The following KCNJ6 variants were observed in gnomAD, a reference collection of about 807,000 sequenced individuals.
KCNJ6 encodes G protein-activated inward rectifier potassium channel 2.
KCNJ6 carries 9 observed loss-of-function variants against 34.2 expected under a neutral mutation model. That is an observed-to-expected ratio of 0.26 (90% CI 0.16 to 0.46). The LOEUF (loss-of-function observed/expected upper bound fraction) is 0.46. Among genes scored for constraint, KCNJ6 ranks in the 20% least tolerant of loss-of-function variants. KCNJ6 has a pLI of 1.00. For missense variants in KCNJ6, 236 were observed against 531.3 expected, an observed-to-expected ratio of 0.44 and a Z score of 5.46; for synonymous variants, 196 against 207.1, an observed-to-expected ratio of 0.95 and a Z score of 0.46.
chr21:37,612,704 C>A lies in KCNJ6; in HGVS notation c.*12455G>T, dbSNP rs2054246953. ...TCAACAAACGGTGTTGAAATAGCTG[C>A]ACATTTGCACATCCACAGGCAAAAA... On this transcript the variant is annotated 3_prime_UTR_variant, in exon 4 of 4. Coordinates refer to ENST00000609713, the MANE Select transcript of KCNJ6 (RefSeq NM_002240.5). The A allele has an allele frequency of 7.3e-6, 1 of 136,084 alleles. No individual in the cohort carries two copies. 8.4% of individuals were successfully genotyped at this position (136,084 alleles called of 1,614,324 possible).
intron 3 of KCNJ6, among the ~76,000 whole-genome samples, chr21:37,712,207 G>T (rs1159380162): frequency 6.6e-6 from 1 of 152,170 alleles, no homozygotes; most frequent in African/African-American, 2.4e-5. Flanking sequence ...TACGTCTCCA[G>T]TGGTTTTTGC....
At chr21:37,664,378 T>C (rs2123401305) in intron 3 of KCNJ6, among the ~76,000 whole-genome samples, 1 of 152,120 alleles carries the variant, frequency 6.6e-6, no homozygotes, top group African/African-American at 2.4e-5. Flanking sequence ...AGAAAACAAC[T>C]GTGCAATGGG....
intron 3 of KCNJ6, among the ~76,000 whole-genome samples, chr21:37,693,462 C>T (rs1427235666): frequency 6.6e-6 from 1 of 152,156 alleles, no homozygotes; most frequent in Non-Finnish European, 1.5e-5. Context: ...ATCAAACCCT[C>T]AAGGTGGGCT....
chr21:37,609,301 G>A lies in KCNJ6; in HGVS notation c.*15858C>T, dbSNP rs2054234466. 6.6e-6 allele frequency: 1 copy of A among 152,112 alleles called. No individual in the cohort carries two copies. The highest frequency in any genetic ancestry group is 1.9e-4 in the East Asian group (1 of 5,194). 9.4% of individuals were successfully genotyped at this position (152,112 alleles called of 1,614,324 possible). A position where few individuals can be genotyped will look rare whatever the true frequency, so the allele number is the denominator to read the frequency against. On this transcript the variant is annotated 3_prime_UTR_variant, in exon 4 of 4. Coordinates refer to ENST00000609713, the MANE Select transcript of KCNJ6 (RefSeq NM_002240.5). ...TCTTGAAAATTCTGTGTGATGGTGA[G>A]AATAAGAAGTTCCAGGTACATAGAA...
rs1195323087 is a variant in KCNJ6, at chr21:37,616,656, G to A, written c.*8503C>T. 3 of 134,094 alleles carry A rather than the reference G, an allele frequency of 2.2e-5. No individual in the cohort carries two copies. The highest frequency in any genetic ancestry group is 4.8e-5 in the Non-Finnish European group (3 of 62,910). The allele number at this position is 134,094 out of a possible 1,614,324, so 8.3% of individuals were successfully genotyped here. ...CATATACGCTCGGTTAAAATTGGTGGTGGCTATTAAGTGGTAAGGAATAGG... is the reference window on the plus strand; with the variant it reads ...CATATACGCTCGGTTAAAATTGGTGATGGCTATTAAGTGGTAAGGAATAGG... On this transcript the variant is annotated 3_prime_UTR_variant, in exon 4 of 4. Coordinates refer to ENST00000609713, the MANE Select transcript of KCNJ6 (RefSeq NM_002240.5).
intron 2 of KCNJ6, among the ~76,000 whole-genome samples, chr21:37,778,897 C>CT (rs537332224): frequency 3.6e-4 from 55 of 152,012 alleles, no homozygotes; most frequent in South Asian, 1.0e-3. Context: ...ACACGCAGCC[C>CT]TTTTTTTCTC....
In KCNJ6 at chr21:37,618,962, T is replaced by C. The variant is rs1601389456; in HGVS notation, c.*6197A>G. ...GTGTTGAACTTTGAGATTTGTTTCCTCCCACTTAGTTGTTTCCTCCCACTC... is the reference window on the plus strand; with the variant it reads ...GTGTTGAACTTTGAGATTTGTTTCCCCCCACTTAGTTGTTTCCTCCCACTC... On this transcript the variant is annotated 3_prime_UTR_variant, in exon 4 of 4. Coordinates refer to ENST00000609713, the MANE Select transcript of KCNJ6 (RefSeq NM_002240.5). 1 of 152,224 alleles carries C rather than the reference T, an allele frequency of 6.6e-6. No individual in the cohort carries two copies. The highest frequency in any genetic ancestry group is 2.4e-5 in the African/African-American group (1 of 41,462). 9.4% of individuals were successfully genotyped at this position (152,224 alleles called of 1,614,324 possible). A position where few individuals can be genotyped will look rare whatever the true frequency, so the allele number is the denominator to read the frequency against.
chr21:37,823,036 G>A (rs1324237341), intron 2 of KCNJ6, among the ~76,000 whole-genome samples: 1 of 152,148 alleles, frequency 6.6e-6, no homozygotes, highest in Non-Finnish European at 1.5e-5. Context: ...AAATAAGAAA[G>A]GACATGTTGA....
intron 3 of KCNJ6, among the ~76,000 whole-genome samples, chr21:37,630,561 C>T (rs757749285): frequency 4.6e-5 from 7 of 152,144 alleles, no homozygotes; most frequent in Non-Finnish European, 7.4e-5. Context: ...GAGATTTCTG[C>T]TTCCATCATC....
chr21:37,722,124 A>AAAAATCAATGTAC (rs1470005351), intron 2 of KCNJ6, among the ~76,000 whole-genome samples: 1 of 32,940 alleles, frequency 3.0e-5, no homozygotes, highest in Non-Finnish European at 6.2e-5. Context: ...ATCAATGTAC[A>AAAAATCAATGTAC]AAAATCAGTG....
chr21:37,649,646 A>G (rs2054423353), intron 3 of KCNJ6, among the ~76,000 whole-genome samples: 1 of 152,174 alleles, frequency 6.6e-6, no homozygotes, highest in African/African-American at 2.4e-5. Context: ...CTGCTTCCAG[A>G]TGAACCAGCC....
At chr21:37,801,291 G>A (rs1046135820) in intron 2 of KCNJ6, among the ~76,000 whole-genome samples, 4 of 152,108 alleles carry the variant, frequency 2.6e-5, no homozygotes, top group African/African-American at 9.7e-5. Flanking sequence ...TCCACTGTGT[G>A]CAAAACTCCA....
chr21:37,876,938 G>C (rs974159713), intron 1 of KCNJ6, among the ~76,000 whole-genome samples: 15 of 152,184 alleles, frequency 9.9e-5, no homozygotes, highest in Non-Finnish European at 2.2e-4. Context: ...AGAGTCCCCT[G>C]TAAATATCTG....
intron 2 of KCNJ6, among the ~76,000 whole-genome samples, chr21:37,736,728 C>A (rs1172320860): frequency 6.6e-6 from 1 of 152,178 alleles, no homozygotes; most frequent in African/African-American, 2.4e-5. Flanking sequence ...GCCTACATCC[C>A]AGCCCTGTTA....
At chr21:37,873,481 G>A (rs1391201062) in intron 1 of KCNJ6, among the ~76,000 whole-genome samples, 3 of 152,230 alleles carry the variant, frequency 2.0e-5, no homozygotes, top group Admixed American at 1.3e-4. Context: ...GTACCTAACC[G>A]TCCATTGACC....
intron 3 of KCNJ6, among the ~76,000 whole-genome samples, chr21:37,682,076 AG>A (rs781768607): frequency 3.3e-5 from 5 of 152,250 alleles, no homozygotes; most frequent in Non-Finnish European, 7.3e-5. Context: ...GGTGGTCACC[AG>A]GTAGACAATA....
In KCNJ6 at chr21:37,609,712, C is replaced by T. The variant is rs1182773553; in HGVS notation, c.*15447G>A. On this transcript the variant is annotated 3_prime_UTR_variant, in exon 4 of 4. Coordinates refer to ENST00000609713, the MANE Select transcript of KCNJ6 (RefSeq NM_002240.5). ...TTAAGCTTTTTGCCTCCTTAATTAT[C>T]CTGTCTGGTTTAGTTTTTGTTTTGT... 1 of 152,128 alleles carries T rather than the reference C, an allele frequency of 6.6e-6. No individual in the cohort carries two copies. Among genetic ancestry groups the T allele is most frequent in the Non-Finnish European group, 1.5e-5 (1 of 68,042 alleles). The allele number at this position is 152,128 out of a possible 1,614,324, so 9.4% of individuals were successfully genotyped here.
chr21:37,673,756 G>T (rs2054552184), intron 3 of KCNJ6, among the ~76,000 whole-genome samples: 1 of 152,204 alleles, frequency 6.6e-6, no homozygotes, highest in African/African-American at 2.4e-5. Flanking sequence ...ACTGAAGCAG[G>T]GAAGTCTTTA....
chr21:37,724,229 G>C (rs1050819496), intron 2 of KCNJ6, among the ~76,000 whole-genome samples: 1 of 152,110 alleles, frequency 6.6e-6, no homozygotes, highest in Non-Finnish European at 1.5e-5. Context: ...TAGATGCAAG[G>C]GTCGGCAAGC....
Sources: gnomAD v4.1 joint callset for allele counts (sites outside exome capture counted in the v4.1 genomes callset) on GRCh38, gnomAD v4.1.1 for gene constraint, MANE v1.5 for transcripts, NCBI Gene and HGNC (gene_info 2026-07-23, HGNC 2026-07-21) for gene names.